Variants in TMX3 observed in about 807,000 individuals in gnomAD.
TMX3 encodes thioredoxin related transmembrane protein 3.
A neutral mutation model predicts 64.4 loss-of-function variants in TMX3; 40 were observed. That is an observed-to-expected ratio of 0.62 (90% CI 0.48 to 0.81). The LOEUF is 0.81. TMX3 is among the 30% of genes least tolerant of loss of function. TMX3 has a pLI of 0.00. For missense variants in TMX3, 497 were observed against 534.5 expected, an observed-to-expected ratio of 0.93 and a Z score of 0.69; for synonymous variants, 189 against 175.7, an observed-to-expected ratio of 1.08 and a Z score of -0.60.
At chr18:68,679,059 T>C (rs1913183986) in intron 15 of TMX3, among the ~76,000 whole-genome samples, 1 of 152,128 alleles carries the variant, frequency 6.6e-6, no homozygotes, top group Admixed American at 6.5e-5. Context: ...TCCTGCAAAA[T>C]AAAAAGTGAC....
Position 68,681,040 on chromosome 18 carries a change from T to C in TMX3, c.976A>G (p.Ile326Val), listed in dbSNP as rs201754497. ...NQQYFLLDRQ[I>V]KNVEDMVQFI... is the part of the protein sequence containing the mutation. Reference sequence around the variant, plus strand: ...TGGACCATGTCTTCAACATTCTTAATCTGTCTATCTAGCAAGAAATATTGC... The same window carrying C: ...TGGACCATGTCTTCAACATTCTTAACCTGTCTATCTAGCAAGAAATATTGC... Residue 326 changes from isoleucine to valine, a missense_variant, in exon 14 of 16, where the codon ATT becomes GTT. Around this residue, in one of 3 missense-constraint regions of TMX3, gnomAD observed 360 missense variants for 383.5 expected, o/e 0.94. Coordinates refer to ENST00000299608, the MANE Select transcript of TMX3 (RefSeq NM_019022.5). 45 of 1,603,224 alleles carry C rather than the reference T, an allele frequency of 2.8e-5. No homozygotes were observed. In the East Asian group the frequency reaches 8.8e-4, roughly 31 times the overall value.
chr18:68,677,045 T>C lies in TMX3; in HGVS notation c.1253A>G (p.Glu418Gly). The C allele has an allele frequency of 6.2e-7, 1 of 1,613,892 alleles. No homozygotes were observed. The highest frequency in any genetic ancestry group is 1.1e-5 in the South Asian group (1 of 91,080). Residue 418 changes from glutamate to glycine, a missense_variant, in exon 16 of 16, where the codon GAA (glutamate) becomes GGA (glycine). Physicochemically the swap from Glu to Gly is moderately conservative, Grantham distance 98. Coordinates refer to ENST00000299608, the MANE Select transcript of TMX3 (RefSeq NM_019022.5). ...GCTCTCTTCTATCTGTTCTTGGTTT[T>C]CATTTTCACTTTTAGACACTTCATA... ...ERYEVSKSEN[E>G]NQEQIEESKE...
At chr18:68,713,047 C>T (rs1409268844) in intron 2 of TMX3, among the ~76,000 whole-genome samples, 1 of 151,386 alleles carries the variant, frequency 6.6e-6, no homozygotes, top group Non-Finnish European at 1.5e-5. Context: ...CTCAGTGTTC[C>T]ATCTCTCCCC....
At chr18:68,680,513 CAATA>C (rs1913315615) in intron 14 of TMX3, among the ~76,000 whole-genome samples, 2 of 152,164 alleles carry the variant, frequency 1.3e-5, no homozygotes, top group African/African-American at 4.8e-5. Flanking sequence ...CTTTTACTCT[CAATA>C]AATTTCCTCA....
intron 5 of TMX3, among the ~76,000 whole-genome samples, chr18:68,701,289 G>A (rs2030034143): frequency 6.6e-6 from 1 of 152,120 alleles, no homozygotes; most frequent in South Asian, 2.1e-4. Context: ...ACCAAAATAA[G>A]ATTAATGAAA....
intron 4 of TMX3, among the ~76,000 whole-genome samples, chr18:68,708,408 C>T (rs1292851476): frequency 6.6e-6 from 1 of 152,076 alleles, no homozygotes; most frequent in Non-Finnish European, 1.5e-5. Flanking sequence ...TTTGTATATA[C>T]CCAGTGGTAG....
chr18:68,681,206 C>T (rs1599296638), intron 13 of TMX3, 96 bp from the exon 14 acceptor site: 1 of 1,082,776 alleles, frequency 9.2e-7, no homozygotes, highest in Non-Finnish European at 1.2e-6. Context: ...ATTATAGAAG[C>T]TATTTAACAC....
chr18:68,714,497 G>C (rs1329508366), intron 1 of TMX3: 1 of 180,902 alleles, frequency 5.5e-6, no homozygotes, highest in Admixed American at 6.1e-5. Context: ...GCACAATCCC[G>C]GCGGCCTGAC....
intron 2 of TMX3, among the ~76,000 whole-genome samples, chr18:68,713,066 G>A (rs1209118835): frequency 6.6e-6 from 1 of 151,076 alleles, no homozygotes; most frequent in Non-Finnish European, 1.5e-5. Flanking sequence ...CCATGAAACA[G>A]CACCAGGTGA....
chr18:68,675,542 G>T lies in TMX3; in HGVS notation c.*1391C>A, dbSNP rs1489675708. 6.6e-6 allele frequency: 1 copy of T among 152,036 alleles called. No individual in the cohort carries two copies. Among genetic ancestry groups the T allele is most frequent in the Non-Finnish European group, 1.5e-5 (1 of 68,004 alleles). 9.4% of individuals were successfully genotyped at this position (152,036 alleles called of 1,614,324 possible). A position where few individuals can be genotyped will look rare whatever the true frequency, so the allele number is the denominator to read the frequency against. Reference sequence around the variant, plus strand: ...GACTAAATCCCTAAACAACGTCAGTGTCCAGACCATGAATTACATATTTTT... The same window carrying T: ...GACTAAATCCCTAAACAACGTCAGTTTCCAGACCATGAATTACATATTTTT... On this transcript the variant is annotated 3_prime_UTR_variant, in exon 16 of 16. Coordinates refer to ENST00000299608, the MANE Select transcript of TMX3 (RefSeq NM_019022.5).
chr18:68,707,591 T>C lies in TMX3; in HGVS notation c.265+2430A>G, dbSNP rs775348338. On this transcript the variant is annotated intron_variant, in intron 4 of 15. Transcript: ENST00000299608. ...TACCACTAAGACTTTTACTGGTTTA[T>C]ATGCACTATTTTTCTCATTGACTGT... Among the ~76,000 whole-genome samples, 3 of 152,218 alleles carry C rather than the reference T, an allele frequency of 2.0e-5. No individual in the cohort carries two copies. In the South Asian group the frequency reaches 6.2e-4, roughly 31 times the overall value.
intron 10 of TMX3, chr18:68,686,947 G>A: frequency 1.3e-5 from 13 of 983,604 alleles, no homozygotes; most frequent in Non-Finnish European, 1.6e-5. Context: ...AGGCAATCAT[G>A]AAGAGGAAAC....
In TMX3 at chr18:68,681,112, T is replaced by C; in HGVS notation, c.906-2A>G. 4 of 1,548,544 alleles carry C rather than the reference T, an allele frequency of 2.6e-6. No individual in the cohort carries two copies. Among genetic ancestry groups the C allele is most frequent in the Non-Finnish European group, 3.5e-6 (4 of 1,150,600 alleles). On this transcript the variant is annotated splice_acceptor_variant, in intron 13 of 15. Transcript: ENST00000299608. LOFTEE classifies it high-confidence loss of function. ...ACTACAGTTGGGACTGTCAATTCACTGAAAATATAAAAACAAATCAAAATA... is the reference window on the plus strand; with the variant it reads ...ACTACAGTTGGGACTGTCAATTCACCGAAAATATAAAAACAAATCAAAATA...
intron 2 of TMX3, among the ~76,000 whole-genome samples, chr18:68,713,464 C>G (rs2031504302): frequency 6.6e-6 from 1 of 152,184 alleles, no homozygotes; most frequent in African/African-American, 2.4e-5. Context: ...CCTGAAAGAT[C>G]ACACACAGGA....
intron 13 of TMX3, 77 bp from the exon 14 acceptor site, chr18:68,681,187 G>A: frequency 8.1e-7 from 1 of 1,235,450 alleles, no homozygotes; most frequent in East Asian, 2.7e-5. Flanking sequence ...TTATATCTCA[G>A]TAGCCATAAT....
intron 8 of TMX3, among the ~76,000 whole-genome samples, chr18:68,693,557 C>T (rs367586728): frequency 2.0e-5 from 3 of 152,166 alleles, no homozygotes; most frequent in South Asian, 2.1e-4. Context: ...GCAACTTAGC[C>T]GGGTGTGTGT....
chr18:68,686,750 T>C lies in TMX3; in HGVS notation c.736+917A>G, dbSNP rs562100522. ...AGTAAAACCACAGTCTTTGACACTG[T>C]CCCCGGCAACTTCCAATAATGAGCT... is the stretch of plus-strand genomic sequence containing the variant. On this transcript the variant is annotated intron_variant, in intron 10 of 15. Transcript: ENST00000299608. 35 of 984,602 alleles carry C rather than the reference T, an allele frequency of 3.6e-5. 1 individual carries two copies. The African/African-American group carries it at 6.1e-4, about 17-fold the overall frequency. The allele number at this position is 984,602 out of a possible 1,614,324, so 61.0% of individuals were successfully genotyped here.
chr18:68,699,018 C>T (rs1427343579), intron 6 of TMX3, among the ~76,000 whole-genome samples: 43 of 149,278 alleles, frequency 2.9e-4, no homozygotes, highest in Non-Finnish European at 1.5e-5. Context: ...CGAGACTCCG[C>T]CTCAAAAAAA....
chr18:68,689,244 TTAACA>T (rs1306457868), intron 9 of TMX3, among the ~76,000 whole-genome samples: 2 of 152,152 alleles, frequency 1.3e-5, no homozygotes, highest in East Asian at 1.9e-4. Flanking sequence ...CTACAGAAAC[TTAACA>T]TATCATATTC....
Sources: allele counts gnomAD v4.1 joint callset (sites outside exome capture counted in the v4.1 genomes callset), GRCh38; gene constraint gnomAD v4.1.1; regional missense constraint gnomAD v4.1.1; transcripts MANE v1.5; gene names NCBI Gene and HGNC (gene_info 2026-07-23, HGNC 2026-07-21).